Variants in DLG2 observed in about 807,000 individuals in gnomAD.
DLG2 encodes the protein disks large homolog 2.
DLG2 carries 45 observed loss-of-function variants against 132.5 expected under a neutral mutation model. The ratio of observed to expected loss-of-function variants is 0.34; its 90% CI spans 0.27 to 0.44. The LOEUF (loss-of-function observed/expected upper bound fraction) is 0.44. Ranked by LOEUF, DLG2 falls within the 20% of genes least tolerant of loss-of-function variation. The pLI is 1.00. For synonymous variants in DLG2, 424 were observed against 419.6 expected (o/e 1.01, Z -0.13); for missense variants, 1,045 against 1,196.9 (o/e 0.87, Z 1.87).
chr11:85,386,490 A>G (rs1294566572), intron 3 of DLG2, among the ~76,000 whole-genome samples: 5 of 152,078 alleles, frequency 3.3e-5, no homozygotes, highest in African/African-American at 9.7e-5. Flanking sequence ...TTCTTTTTTC[A>G]ACTGTAAAAT....
chr11:85,018,399 AT>A (rs1282884413), intron 6 of DLG2, among the ~76,000 whole-genome samples: 1 of 152,182 alleles, frequency 6.6e-6, no homozygotes, highest in African/African-American at 2.4e-5. Context: ...GTAGGGATAA[AT>A]TAACTGTCTC....
chr11:84,377,425 A>G (rs902008801), intron 7 of DLG2, among the ~76,000 whole-genome samples: 20 of 152,052 alleles, frequency 1.3e-4, no homozygotes, highest in Non-Finnish European at 2.9e-4. Flanking sequence ...GACATTTTTG[A>G]AATAATAAGG....
intron 3 of DLG2, among the ~76,000 whole-genome samples, chr11:85,354,523 G>T (rs904636803): frequency 6.6e-6 from 1 of 151,682 alleles, no homozygotes; most frequent in Admixed American, 6.6e-5. Flanking sequence ...ACAATTCCTG[G>T]GTCTTATCTC....
chr11:84,780,640 T>C (rs865913863), intron 6 of DLG2, among the ~76,000 whole-genome samples: 4 of 152,092 alleles, frequency 2.6e-5, no homozygotes, highest in Admixed American at 1.3e-4. Flanking sequence ...TCATTTGTTA[T>C]TGTTGTTGTT....
At chr11:84,209,315 A>G (rs1011813080) in intron 8 of DLG2, among the ~76,000 whole-genome samples, 5 of 152,232 alleles carry the variant, frequency 3.3e-5, no homozygotes, top group Admixed American at 2.6e-4. Flanking sequence ...GTCGCAAGAA[A>G]TAAGAAAAGC....
chr11:83,974,914 G>A (rs2091970387), intron 12 of DLG2, among the ~76,000 whole-genome samples: 1 of 151,972 alleles, frequency 6.6e-6, no homozygotes, highest in Non-Finnish European at 1.5e-5. Flanking sequence ...GAAAACACAA[G>A]AACTAATTCT....
intron 3 of DLG2, 67 bp downstream of exon 3, chr11:85,598,590 C>A: frequency 8.4e-7 from 1 of 1,187,304 alleles, no homozygotes; most frequent in South Asian, 2.2e-5. Context: ...GTTCTTTGAC[C>A]ACATTATTCA....
intron 6 of DLG2, among the ~76,000 whole-genome samples, chr11:84,550,655 T>C (rs1034372851): frequency 4.6e-5 from 7 of 152,202 alleles, no homozygotes; most frequent in African/African-American, 1.4e-4. Flanking sequence ...ACTTTGTTCC[T>C]GGTCCTGGGA....
chr11:85,332,118 C>T (rs1008087755), intron 3 of DLG2, among the ~76,000 whole-genome samples: 3 of 152,180 alleles, frequency 2.0e-5, no homozygotes, highest in African/African-American at 4.8e-5. Context: ...TTCAACCTTA[C>T]CAAAATCTGT....
rs1329380942 is a variant in DLG2 at position 85,013,253 on chromosome 11, T to C, written c.357+98408A>G. On this transcript the variant is annotated intron_variant, in intron 6 of 27. Transcript: ENST00000376104. ...AATTAATAGAGTATGGCAGAAGTTA[T>C]GTTATATTTCTTTCAAGATAGTCTC... 2.0e-5 allele frequency among the ~76,000 whole-genome samples: 3 copies of C among 152,166 alleles called. No individual in the cohort carries two copies. In the East Asian group the frequency reaches 5.8e-4, roughly 29 times the overall value.
intron 19 of DLG2, among the ~76,000 whole-genome samples, chr11:83,556,518 G>A (rs890366173): frequency 7.9e-5 from 12 of 151,948 alleles, no homozygotes; most frequent in Non-Finnish European, 1.3e-4. Context: ...GACCACAGGC[G>A]TGCGCCAAAC....
At chr11:84,861,005 G>T (rs1471486211) in intron 6 of DLG2, among the ~76,000 whole-genome samples, 1 of 152,048 alleles carries the variant, frequency 6.6e-6, no homozygotes, top group Admixed American at 6.6e-5. Context: ...TACACCGTAT[G>T]CTAGGGACTT....
intron 8 of DLG2, among the ~76,000 whole-genome samples, chr11:84,237,288 T>C (rs1025677889): frequency 6.6e-6 from 1 of 152,194 alleles, no homozygotes. Flanking sequence ...TGAGAGCCAC[T>C]GCTTTGAGAC....
intron 9 of DLG2, among the ~76,000 whole-genome samples, chr11:84,149,467 A>G (rs1040670492): frequency 6.6e-6 from 1 of 152,100 alleles, no homozygotes; most frequent in Non-Finnish European, 1.5e-5. Flanking sequence ...CATTAATTGA[A>G]TAGGGAACCC....
chr11:83,996,416 T>G (rs952300160), intron 11 of DLG2, among the ~76,000 whole-genome samples: 5 of 152,192 alleles, frequency 3.3e-5, no homozygotes, highest in African/African-American at 9.6e-5. Context: ...AGTTTGGACA[T>G]TCCTCAGAAA....
At chr11:84,403,785 C>T (rs2098838984) in intron 7 of DLG2, among the ~76,000 whole-genome samples, 1 of 152,146 alleles carries the variant, frequency 6.6e-6, no homozygotes, top group Non-Finnish European at 1.5e-5. Context: ...GTTTCCCATA[C>T]ATCACCTTTG....
At chr11:85,616,268 T>C (rs939841455) in intron 2 of DLG2, among the ~76,000 whole-genome samples, 4 of 152,158 alleles carry the variant, frequency 2.6e-5, no homozygotes, top group African/African-American at 9.7e-5. Flanking sequence ...TTCATGAACA[T>C]TATCATATTT....
At chr11:84,941,496 A>G (rs1185690021) in intron 6 of DLG2, among the ~76,000 whole-genome samples, 1 of 152,122 alleles carries the variant, frequency 6.6e-6, no homozygotes, top group Non-Finnish European at 1.5e-5. Flanking sequence ...TATGGTTTTT[A>G]TCCTTCATTC....
intron 7 of DLG2, among the ~76,000 whole-genome samples, chr11:84,307,669 C>G (rs2098235924): frequency 7.6e-6 from 1 of 130,750 alleles, no homozygotes; most frequent in South Asian, 2.3e-4. Context: ...GCAGTCCGGC[C>G]TGGGTGAAAG....
Sources: allele counts gnomAD v4.1 joint callset (sites outside exome capture counted in the v4.1 genomes callset), GRCh38; gene constraint gnomAD v4.1.1; transcripts MANE v1.5; gene names NCBI Gene and HGNC (gene_info 2026-07-23, HGNC 2026-07-21).